Variants in CPNE5 observed in about 807,000 individuals in gnomAD.
CPNE5 encodes the protein copine-5.
Under a neutral mutation model 81.1 loss-of-function variants are expected in CPNE5, and 42 were observed. That is an observed-to-expected ratio of 0.52 (90% CI 0.40 to 0.67). The LOEUF (loss-of-function observed/expected upper bound fraction) is 0.67. Among genes scored for constraint, CPNE5 ranks in the 30% least tolerant of loss-of-function variants. CPNE5 has a pLI of 0.00. For missense variants in CPNE5, 612 were observed against 815.5 expected, an observed-to-expected ratio of 0.75 and a Z score of 3.04; for synonymous variants, 313 against 321.5, an observed-to-expected ratio of 0.97 and a Z score of 0.28.
chr6:36,784,959 A>AG (rs907813522), intron 8 of CPNE5, among the ~76,000 whole-genome samples: 4 of 151,708 alleles, frequency 2.6e-5, no homozygotes, highest in African/African-American at 9.7e-5. Context: ...GAAAAAAAAA[A>AG]AAAGAAAAGA....
Position 36,792,087 on chromosome 6 carries a change from T to C in CPNE5, c.474A>G (p.Pro158=), listed in dbSNP as rs1198398132. The change falls in exon 8 of 21, where the codon CCA becomes CCG. Residue 158 remains proline (P), a synonymous_variant. Coordinates refer to ENST00000244751, the MANE Select transcript of CPNE5 (RefSeq NM_020939.2). The part of the protein sequence containing the change: ...PMPAVSNGGV[P]GKKCGTIILS... ...GGATGATGGTGCCACATTTCTTTCC[T>C]GGGACACCACTGGGAGAGGAGAAGA... is the stretch of plus-strand genomic sequence containing the variant. 6.2e-7 allele frequency: 1 copy of C among 1,613,852 alleles called. No homozygotes were observed. The highest frequency in any genetic ancestry group is 8.5e-7 in the Non-Finnish European group (1 of 1,179,836).
At chr6:36,768,222 G>GTTTTTTTTTTTT (rs1554198661) in intron 10 of CPNE5, among the ~76,000 whole-genome samples, 1 of 43,540 alleles carries the variant, frequency 2.3e-5, no homozygotes, top group African/African-American at 7.2e-5. Context: ...TCTATTCACA[G>GTTTTTTTTTTTT]TTCTTTTTTT....
chr6:36,781,149 CAG>C, intron 8 of CPNE5, among the ~76,000 whole-genome samples: 2 of 152,240 alleles, frequency 1.3e-5, no homozygotes, highest in Middle Eastern at 3.4e-3. Context: ...GTGCTGGAGA[CAG>C]AATGACCTGC....
chr6:36,751,241 C>T (rs1278494855), intron 14 of CPNE5, among the ~76,000 whole-genome samples: 1 of 152,250 alleles, frequency 6.6e-6, no homozygotes, highest in African/African-American at 2.4e-5. Context: ...CTGAGGGCTC[C>T]TTTTCGATGA....
chr6:36,788,523 A>G (rs1768799064), intron 8 of CPNE5, among the ~76,000 whole-genome samples: 1 of 152,176 alleles, frequency 6.6e-6, no homozygotes, highest in Non-Finnish European at 1.5e-5. Context: ...ACTTCTCTGC[A>G]TCCGTAAAAC....
intron 4 of CPNE5, 40 bp from the exon 5 acceptor site, chr6:36,798,534 C>T (rs750062088): frequency 5.0e-6 from 8 of 1,601,788 alleles, no homozygotes; most frequent in South Asian, 2.2e-5. Context: ...CAGCTGCGGA[C>T]GTTCTGCCCA....
At position 36,809,274 on chromosome 6, in the gene CPNE5, AGAGAAAGAGTCCTCAACCCTCCTGT is replaced by A. The variant is rs1749368502; in HGVS notation, c.184-9229_184-9205del. On this transcript the variant is annotated intron_variant, in intron 3 of 20. Transcript: ENST00000244751. ...AGATTGAGAGAGAGAGAGGAGGAGGAGAGAAAGAGTCCTCAACCCTCCTGTGATTTCCTTTTAAAAATGTTAACAA... is the reference window on the plus strand; with the variant it reads ...AGATTGAGAGAGAGAGAGGAGGAGGAGATTTCCTTTTAAAAATGTTAACAA... Among the ~76,000 whole-genome samples, 11 of 152,174 alleles carry A rather than the reference AGAGAAAGAGTCCTCAACCCTCCTGT, an allele frequency of 7.2e-5. No individual in the cohort carries two copies. In the South Asian group the frequency reaches 2.3e-3, roughly 32 times the overall value.
chr6:36,769,024 C>T (rs2150433003), intron 10 of CPNE5, among the ~76,000 whole-genome samples: 1 of 152,342 alleles, frequency 6.6e-6, no homozygotes, highest in African/African-American at 2.4e-5. Flanking sequence ...CTGTCTAAAA[C>T]ACTCCATCCC....
rs1769384048 is a variant in CPNE5, at chr6:36,794,459, A to T, written c.464+131T>A. 2.0e-5 allele frequency: 16 copies of T among 809,078 alleles called. 1 individual carries two copies. In the Admixed American group the frequency reaches 3.7e-4, roughly 19 times the overall value. The allele number at this position is 809,078 out of a possible 1,614,324, so 50.1% of individuals were successfully genotyped here. On this transcript the variant is annotated intron_variant, in intron 7 of 20. Transcript: ENST00000244751. ...CTGGGTGCCTAAGGAGGAACCCAGG[A>T]CTCTCTGTCCCCGGATCAGGGCCAA...
chr6:36,815,867 GGGGCGATCTGCT>G (rs1771498706), intron 3 of CPNE5, among the ~76,000 whole-genome samples: 1 of 152,192 alleles, frequency 6.6e-6, no homozygotes, highest in African/African-American at 2.4e-5. Flanking sequence ...GCAGTGGTAT[GGGGCGATCTGCT>G]GGACACCCTA....
In CPNE5 at chr6:36,753,061, C is replaced by G. The variant is rs1327135518; in HGVS notation, c.944G>C (p.Cys315Ser). 1.2e-6 allele frequency: 2 copies of G among 1,613,200 alleles called. No individual in the cohort carries two copies. Among genetic ancestry groups the G allele is most frequent in the South Asian group, 2.2e-5 (2 of 91,038 alleles). The change falls in exon 14 of 21, where the codon TGC (cysteine) becomes TCC (serine). Residue 315 changes from cysteine (C) to serine (S), a missense_variant. Coordinates refer to ENST00000244751, the MANE Select transcript of CPNE5 (RefSeq NM_020939.2). ...TCCTTTGATGTAGTCAAGGAAGGTG[C>G]ACTCTGACTCCACAGCAAAGGAAAG... ...TLLSFAVESE[C>S]TFLDYIKGGT... is the part of the protein sequence containing the mutation.
At chr6:36,781,099 C>T (rs986179963) in intron 8 of CPNE5, among the ~76,000 whole-genome samples, 9 of 152,180 alleles carry the variant, frequency 5.9e-5, no homozygotes, top group East Asian at 5.8e-4. Flanking sequence ...GGCTGCATTC[C>T]GGTTACCCTG....
intron 1 of CPNE5, among the ~76,000 whole-genome samples, chr6:36,824,617 C>T (rs1435248130): frequency 6.6e-6 from 1 of 152,256 alleles, no homozygotes; most frequent in East Asian, 1.9e-4. Context: ...AAACAGTCAA[C>T]ACTGGTCTGT....
chr6:36,791,961 T>C, intron 8 of CPNE5, 72 bp downstream of exon 8: 17 of 1,363,852 alleles, frequency 1.2e-5, no homozygotes, highest in Non-Finnish European at 1.7e-5. Context: ...CTCCAGGGGC[T>C]CAGGGAGGCC....
chr6:36,807,384 T>A (rs1432451263), intron 3 of CPNE5, among the ~76,000 whole-genome samples: 4 of 152,224 alleles, frequency 2.6e-5, no homozygotes, highest in African/African-American at 9.6e-5. Flanking sequence ...ATCTACATGT[T>A]ATGGGATTGT....
intron 1 of CPNE5, among the ~76,000 whole-genome samples, chr6:36,835,594 G>A (rs552235214): frequency 6.6e-6 from 1 of 152,174 alleles, no homozygotes; most frequent in East Asian, 1.9e-4. Flanking sequence ...TCAAGAGTTC[G>A]AGACCAGCCT....
chr6:36,746,324 T>TCCC lies in CPNE5; in HGVS notation c.1200+69_1200+71dup. On this transcript the variant is annotated intron_variant, in intron 16 of 20. Coordinates refer to ENST00000244751, the MANE Select transcript of CPNE5 (RefSeq NM_020939.2). This position sits in a 1 kb window ranked among gnomAD's most constrained non-coding sequence, Gnocchi z 4.5. The stretch of plus-strand genomic sequence containing the variant: ...CCCCGGGCTCAGAGGAAGGGAAACG[T>TCCC]CCCCCCACCCCCAGCTTGTCACCTC... 3.6e-6 allele frequency: 5 copies of TCCC among 1,386,250 alleles called. No individual in the cohort carries two copies. Among genetic ancestry groups the TCCC allele is most frequent in the Admixed American group, 2.4e-5 (1 of 42,110 alleles). 85.9% of individuals were successfully genotyped at this position (1,386,250 alleles called of 1,614,324 possible). A position where few individuals can be genotyped will look rare whatever the true frequency, so the allele number is the denominator to read the frequency against.
chr6:36,767,496 TG>T (rs143251231), intron 10 of CPNE5, among the ~76,000 whole-genome samples: 1 of 152,346 alleles, frequency 6.6e-6, no homozygotes, highest in East Asian at 1.9e-4. Context: ...ACTTCGGTCA[TG>T]GCCCCACAAG....
chr6:36,785,244 G>A (rs1439537968), intron 8 of CPNE5, among the ~76,000 whole-genome samples: 1 of 152,126 alleles, frequency 6.6e-6, no homozygotes, highest in East Asian at 1.9e-4. Context: ...TGTGAAGGTT[G>A]GAGGTCAGGG....
Sources: allele counts gnomAD v4.1 joint callset (sites outside exome capture counted in the v4.1 genomes callset), GRCh38; gene constraint gnomAD v4.1.1; non-coding constraint Gnocchi (gnomAD v3.1); transcripts MANE v1.5; gene names NCBI Gene and HGNC (gene_info 2026-07-23, HGNC 2026-07-21).